GRIN3A: variants seen among roughly 807,000 people sequenced by gnomAD.
GRIN3A encodes the protein glutamate receptor ionotropic, NMDA 3A.
A neutral mutation model predicts 92.4 loss-of-function variants in GRIN3A; 47 were observed. The observed-to-expected ratio is 0.51, with a 90% CI of 0.40 to 0.65. The LOEUF (loss-of-function observed/expected upper bound fraction) is 0.65, where lower values mean the gene tolerates loss of function less well. GRIN3A is among the 30% of genes least tolerant of loss of function. GRIN3A has a pLI of 0.00. For synonymous variants in GRIN3A, 527 were observed against 540.6 expected (o/e 0.97, Z 0.35); for missense variants, 1,324 against 1,393.1 (o/e 0.95, Z 0.79).
intron 3 of GRIN3A, among the ~76,000 whole-genome samples, chr9:101,649,583 G>A (rs1010030118): frequency 2.0e-5 from 3 of 151,992 alleles, no homozygotes; most frequent in African/African-American, 4.8e-5. Flanking sequence ...ATGCTGGCTC[G>A]AGGGAAGAGT....
intron 3 of GRIN3A, among the ~76,000 whole-genome samples, chr9:101,644,292 T>C (rs770903209): frequency 5.9e-5 from 9 of 151,950 alleles, no homozygotes; most frequent in Admixed American, 2.0e-4. Context: ...CTTAGAATTA[T>C]AGAATGTTAG....
At position 101,670,189 on chromosome 9, in the gene GRIN3A, A is replaced by G. The variant is rs535394531; in HGVS notation, c.2223T>C (p.Thr741=). 6.2e-7 allele frequency: 1 copy of G among 1,614,000 alleles called. No individual in the cohort carries two copies. Among genetic ancestry groups the G allele is most frequent in the Non-Finnish European group, 8.5e-7 (1 of 1,179,896 alleles). ...CCCAAAGGTTCATTAGAAACCTTCC[A>G]GTCCAACATTTTGGAGGTTTGATGG... ...TVAIKPPKCW[T]GRFLMNLWAI... Residue 741 remains threonine (T), a synonymous_variant, in exon 3 of 9, where the codon ACT becomes ACC. Transcript: ENST00000361820.
Position 101,738,217 on chromosome 9 carries a change from G to A in GRIN3A, c.-238C>T, listed in dbSNP as rs1015192604. The A allele has an allele frequency of 1.8e-6, 1 of 568,690 alleles. No individual in the cohort carries two copies. The highest frequency in any genetic ancestry group is 3.1e-6 in the Non-Finnish European group (1 of 319,092). The allele number at this position is 568,690 out of a possible 1,614,324, so 35.2% of individuals were successfully genotyped here. ...GGCATCCTCTGCCCGCCCGGTCACT[G>A]CGCTGAGCAGGCAGGCGGGCGGGCC... is the stretch of plus-strand genomic sequence containing the variant. On this transcript the variant is annotated 5_prime_UTR_variant, in exon 1 of 9. Transcript: ENST00000361820.
intron 1 of GRIN3A, among the ~76,000 whole-genome samples, chr9:101,698,214 C>G (rs116359700): frequency 6.6e-6 from 1 of 152,138 alleles, no homozygotes; most frequent in Non-Finnish European, 1.5e-5. Context: ...TTATTTCTGC[C>G]TGAAATTGTT....
At chr9:101,662,514 T>C (rs1432620253) in intron 3 of GRIN3A, among the ~76,000 whole-genome samples, 1 of 151,750 alleles carries the variant, frequency 6.6e-6, no homozygotes, top group Admixed American at 6.6e-5. Flanking sequence ...GAATATTAGC[T>C]TTTCTTTTAT....
At chr9:101,685,717 T>G (rs1829525143) in intron 2 of GRIN3A, among the ~76,000 whole-genome samples, 1 of 151,018 alleles carries the variant, frequency 6.6e-6, no homozygotes, top group Admixed American at 6.6e-5. Flanking sequence ...CAAATATAAT[T>G]ATGAATGTAT....
At chr9:101,632,606 C>T (rs1010737664) in intron 3 of GRIN3A, among the ~76,000 whole-genome samples, 5 of 152,010 alleles carry the variant, frequency 3.3e-5, no homozygotes, top group Non-Finnish European at 7.4e-5. Context: ...CTAATTTTTT[C>T]CTTTGTTACT....
intron 1 of GRIN3A, among the ~76,000 whole-genome samples, chr9:101,692,008 AGAGT>A (rs1238511220): frequency 2.0e-5 from 3 of 152,194 alleles, no homozygotes; most frequent in Non-Finnish European, 4.4e-5. Context: ...TGCCTGGCGC[AGAGT>A]GAGGGCCCAT....
At chr9:101,598,949 T>C (rs1173023450) in intron 6 of GRIN3A, among the ~76,000 whole-genome samples, 2 of 152,170 alleles carry the variant, frequency 1.3e-5, no homozygotes, top group East Asian at 1.9e-4. Flanking sequence ...AATTCCTTGA[T>C]AGTCATTTAG....
intron 3 of GRIN3A, among the ~76,000 whole-genome samples, chr9:101,668,915 A>G (rs1444115983): frequency 1.3e-5 from 2 of 152,172 alleles, no homozygotes; most frequent in African/African-American, 2.4e-5. Context: ...TATGAAATTA[A>G]TTTTAAATGT....
At chr9:101,628,735 G>A (rs896539428) in intron 3 of GRIN3A, among the ~76,000 whole-genome samples, 8 of 152,126 alleles carry the variant, frequency 5.3e-5, no homozygotes, top group Admixed American at 3.3e-4. Context: ...CAGACAAAGT[G>A]TACATTCATA....
Position 101,588,951 on chromosome 9 carries a change from AT to A in GRIN3A, c.2767-9592del, listed in dbSNP as rs112615061. The stretch of plus-strand genomic sequence containing the variant: ...GGTATATACGACAAATATTGCTACA[AT>A]AAAAATTTTGTGTATAGTATTTTTT... On this transcript the variant is annotated intron_variant, in intron 6 of 8. Transcript: ENST00000361820. 4.1e-3 allele frequency among the ~76,000 whole-genome samples: 621 copies of A among 151,992 alleles called. 5 individuals are homozygous for A. Among genetic ancestry groups the A allele is most frequent in the African/African-American group, 0.014 (577 of 41,536 alleles).
intron 2 of GRIN3A, among the ~76,000 whole-genome samples, chr9:101,674,553 A>G (rs1362668487): frequency 6.6e-6 from 1 of 152,116 alleles, no homozygotes; most frequent in African/African-American, 2.4e-5. Context: ...ACTCAGCTTG[A>G]CAGAAGGTCA....
At chr9:101,582,881 C>G (rs1429773114) in intron 6 of GRIN3A, among the ~76,000 whole-genome samples, 1 of 152,128 alleles carries the variant, frequency 6.6e-6, no homozygotes, top group Admixed American at 6.5e-5. Context: ...AATGATTAGT[C>G]TTATTTTTCT....
At chr9:101,592,859 T>G (rs73659533) in intron 6 of GRIN3A, 121 of 152,246 alleles carry the variant, frequency 7.9e-4, no homozygotes, top group African/African-American at 2.8e-3. Context: ...TGAAAAAAGT[T>G]ACCTGAGTGG....
intron 5 of GRIN3A, among the ~76,000 whole-genome samples, chr9:101,613,760 G>T (rs1212038895): frequency 1.3e-5 from 2 of 152,180 alleles, no homozygotes; most frequent in Admixed American, 1.3e-4. Flanking sequence ...TGTGCACAGT[G>T]CATTAGTGAA....
intron 1 of GRIN3A, among the ~76,000 whole-genome samples, chr9:101,725,993 G>T (rs560219301): frequency 1.3e-5 from 2 of 151,992 alleles, no homozygotes; most frequent in Non-Finnish European, 2.9e-5. Flanking sequence ...TTATTTGTTT[G>T]CATGTCTTAT....
chr9:101,707,783 G>A (rs1254880317), intron 1 of GRIN3A, among the ~76,000 whole-genome samples: 4 of 152,156 alleles, frequency 2.6e-5, no homozygotes, highest in Admixed American at 6.5e-5. Flanking sequence ...AGTGGATAGC[G>A]AAGTTTGGCT....
intron 1 of GRIN3A, among the ~76,000 whole-genome samples, chr9:101,729,220 T>TG (rs1342849704): frequency 6.6e-6 from 1 of 152,198 alleles, no homozygotes; most frequent in African/African-American, 2.4e-5. Context: ...TAAGTCTGTG[T>TG]GGGCAATTGT....
Sources: gnomAD v4.1 joint callset for allele counts (sites outside exome capture counted in the v4.1 genomes callset) on GRCh38, gnomAD v4.1.1 for gene constraint, MANE v1.5 for transcripts, NCBI Gene and HGNC (gene_info 2026-07-23, HGNC 2026-07-21) for gene names.